CDH12: variants seen among roughly 807,000 people sequenced by gnomAD.
The protein encoded by CDH12 is cadherin-12.
CDH12 carries 41 observed loss-of-function variants against 74.1 expected under a neutral mutation model. That is an observed-to-expected ratio of 0.55 (90% CI 0.43 to 0.72). The LOEUF is 0.72. CDH12 is among the 30% of genes least tolerant of loss of function. The probability of loss-of-function intolerance (pLI) is 0.00; values close to 1 mark genes in which losing one functional copy is unlikely to be tolerated. For synonymous variants in CDH12, 399 were observed against 355.0 expected, an observed-to-expected ratio of 1.12 and a Z score of -1.39; for missense variants, 945 against 977.2, an observed-to-expected ratio of 0.97 and a Z score of 0.44.
chr5:21,873,116 A>G (rs1751734089), intron 6 of CDH12, among the ~76,000 whole-genome samples: 1 of 152,142 alleles, frequency 6.6e-6, no homozygotes, highest in Non-Finnish European at 1.5e-5. Flanking sequence ...CAATTCTGTA[A>G]TGATAATATA....
At chr5:21,834,371 A>G (rs1749414281) in intron 8 of CDH12, among the ~76,000 whole-genome samples, 2 of 151,882 alleles carry the variant, frequency 1.3e-5, no homozygotes, top group Non-Finnish European at 2.9e-5. Flanking sequence ...ATATTCATGT[A>G]CAGTATCTAA....
chr5:21,864,009 G>T (rs116386771), intron 6 of CDH12, among the ~76,000 whole-genome samples: 2,748 of 151,982 alleles, frequency 0.018, 72 homozygotes, highest in African/African-American at 0.061. Context: ...TACTAAAGTT[G>T]CTTTCAAAAT....
At chr5:22,555,476 T>C (rs1213543328) in intron 1 of CDH12, among the ~76,000 whole-genome samples, 2 of 151,960 alleles carry the variant, frequency 1.3e-5, no homozygotes, top group Non-Finnish European at 2.9e-5. Flanking sequence ...GTGGGAAGAA[T>C]ATCCAATATT....
intron 5 of CDH12, among the ~76,000 whole-genome samples, chr5:22,077,959 A>G (rs1742444899): frequency 6.6e-6 from 1 of 152,148 alleles, no homozygotes; most frequent in South Asian, 2.1e-4. Context: ...CAAATGGCAC[A>G]TCACATTTTA....
chr5:22,666,436 C>T (rs1181845171), intron 1 of CDH12, among the ~76,000 whole-genome samples: 2 of 151,710 alleles, frequency 1.3e-5, no homozygotes, highest in Non-Finnish European at 2.9e-5. Flanking sequence ...ACTACAGGCG[C>T]CCGCCACTAC....
In CDH12 at chr5:22,562,980, A is replaced by G. The variant is rs759986617; in HGVS notation, c.-522-57616T>C. On this transcript the variant is annotated intron_variant, in intron 1 of 14. Transcript: ENST00000382254. ...TTATATAATGCATGTTTATTTAAAT[A>G]TAAATTTGAATATTTATATATGCAA... 8.5e-4 allele frequency among the ~76,000 whole-genome samples: 126 copies of G among 147,658 alleles called. 3 individuals are homozygous for G. Among genetic ancestry groups the G allele is most frequent in the Non-Finnish European group, 1.2e-3 (77 of 66,950 alleles).
intron 3 of CDH12, among the ~76,000 whole-genome samples, chr5:22,402,513 C>A (rs1742769882): frequency 6.6e-6 from 1 of 152,156 alleles, no homozygotes; most frequent in Admixed American, 6.5e-5. Flanking sequence ...GAATATATAA[C>A]TGAGAAAGTT....
chr5:22,552,402 A>G (rs1322642095), intron 1 of CDH12, among the ~76,000 whole-genome samples: 1 of 151,894 alleles, frequency 6.6e-6, no homozygotes, highest in Non-Finnish European at 1.5e-5. Context: ...GAGAAAAATG[A>G]AAAGACACCT....
intron 1 of CDH12, among the ~76,000 whole-genome samples, chr5:22,509,363 T>G (rs945954138): frequency 6.6e-6 from 1 of 152,084 alleles, no homozygotes; most frequent in African/African-American, 2.4e-5. Context: ...CTCATAAAAG[T>G]TTTTAAAGGA....
At chr5:22,584,139 C>T (rs540699) in intron 1 of CDH12, among the ~76,000 whole-genome samples, 5 of 151,302 alleles carry the variant, frequency 3.3e-5, no homozygotes, top group African/African-American at 9.7e-5. Flanking sequence ...CTTGCTCTGT[C>T]GCCAGGCTGG....
chr5:21,808,577 T>C (rs1223924078), intron 9 of CDH12, among the ~76,000 whole-genome samples: 1 of 152,014 alleles, frequency 6.6e-6, no homozygotes, highest in Non-Finnish European at 1.5e-5. Flanking sequence ...AACAGATTTA[T>C]ACCAGGCTGA....
intron 1 of CDH12, among the ~76,000 whole-genome samples, chr5:22,534,549 C>T (rs998012052): frequency 1.3e-5 from 2 of 152,142 alleles, no homozygotes; most frequent in Admixed American, 1.3e-4. Flanking sequence ...CAAGCAGCCT[C>T]TCTGCTTCTT....
chr5:22,553,138 G>T (rs988785900), intron 1 of CDH12, among the ~76,000 whole-genome samples: 3 of 152,058 alleles, frequency 2.0e-5, no homozygotes, highest in African/African-American at 7.2e-5. Context: ...ATCCTAAGGA[G>T]AATGAAATCT....
intron 1 of CDH12, among the ~76,000 whole-genome samples, chr5:22,697,195 G>T (rs1742415801): frequency 9.2e-5 from 14 of 152,054 alleles, no homozygotes; most frequent in Admixed American, 9.2e-4. Context: ...TATAGAGAAG[G>T]GATGATTTCA....
intron 3 of CDH12, among the ~76,000 whole-genome samples, chr5:22,315,416 A>G (rs1010862914): frequency 2.6e-5 from 4 of 152,056 alleles, no homozygotes; most frequent in African/African-American, 9.7e-5. Flanking sequence ...ATTCATTTCT[A>G]TAAATAAGAA....
At chr5:21,820,692 T>C (rs1748320549) in intron 8 of CDH12, among the ~76,000 whole-genome samples, 1 of 152,042 alleles carries the variant, frequency 6.6e-6, no homozygotes, top group African/African-American at 2.4e-5. Flanking sequence ...TCTGTCGGTT[T>C]ATTTCCAATG....
At chr5:21,776,275 T>C (rs894553426) in intron 11 of CDH12, among the ~76,000 whole-genome samples, 1 of 152,182 alleles carries the variant, frequency 6.6e-6, no homozygotes. Flanking sequence ...TGAGTCAACT[T>C]AATTGCAGTC....
chr5:21,821,743 T>C (rs1272279942), intron 8 of CDH12, among the ~76,000 whole-genome samples: 1 of 151,942 alleles, frequency 6.6e-6, no homozygotes, highest in Non-Finnish European at 1.5e-5. Context: ...TTTGAAATAT[T>C]ACATTTCAAT....
chr5:21,860,507 G>A (rs950005532), intron 6 of CDH12, among the ~76,000 whole-genome samples: 2 of 151,986 alleles, frequency 1.3e-5, no homozygotes, highest in African/African-American at 4.8e-5. Flanking sequence ...TTTACTGGAT[G>A]TGTCTGTGAG....
Sources: gnomAD v4.1 joint callset for allele counts (sites outside exome capture counted in the v4.1 genomes callset) on GRCh38, gnomAD v4.1.1 for gene constraint, MANE v1.5 for transcripts, NCBI Gene and HGNC (gene_info 2026-07-23, HGNC 2026-07-21) for gene names.